PNPLA3: variants seen among roughly 807,000 people sequenced by gnomAD.
PNPLA3 encodes the protein 1-acylglycerol-3-phosphate O-acyltransferase PNPLA3.
PNPLA3 carries 42 observed loss-of-function variants against 43.1 expected under a neutral mutation model. The observed-to-expected ratio is 0.97, with a 90% CI of 0.76 to 1.26. The LOEUF (loss-of-function observed/expected upper bound fraction) is 1.26, where lower values mean the gene tolerates loss of function less well. Among genes scored for constraint, PNPLA3 ranks in the 50% most tolerant of loss-of-function variants. The pLI is 0.00. For missense variants in PNPLA3, 647 were observed against 621.4 expected (o/e 1.04, Z -0.44); for synonymous variants, 272 against 253.6 (o/e 1.07, Z -0.69).
At position 43,927,058 on chromosome 22, in the gene PNPLA3, C is replaced by T. The variant is rs2049927926; in HGVS notation, c.311C>T (p.Ala104Val). 3.1e-6 allele frequency: 5 copies of T among 1,614,130 alleles called. No individual in the cohort carries two copies. Among genetic ancestry groups the T allele is most frequent in the South Asian group, 1.1e-5 (1 of 91,084 alleles). ...LRQGLCKCLP[A>V]NVHQLISGKI... Reference sequence around the variant, plus strand: ...CAGGGTCTCTGCAAATGCCTCCCGGCCAATGTCCACCAGCTCATCTCCGGC... The same window carrying T: ...CAGGGTCTCTGCAAATGCCTCCCGGTCAATGTCCACCAGCTCATCTCCGGC... The change falls in exon 2 of 9, where the codon GCC (alanine) becomes GTC (valine). Residue 104 changes from alanine (A) to valine (V), a missense_variant. By Grantham distance (64) the Ala-to-Val change is moderately conservative (BLOSUM62 0). Coordinates refer to ENST00000216180, the MANE Select transcript of PNPLA3 (RefSeq NM_025225.3).
Position 43,946,251 on chromosome 22 carries a change from G to A in PNPLA3, c.1315G>A (p.Glu439Lys), listed in dbSNP as rs758992807. 1.2e-6 allele frequency: 2 copies of A among 1,614,212 alleles called. No individual in the cohort carries two copies. The highest frequency in any genetic ancestry group is 8.5e-7 in the Non-Finnish European group (1 of 1,180,024). Reference sequence around the variant, plus strand: ...CTGCTCCCCCAAGGGCTGTCCAGCAGAGACCAAAGCAGAGGCCACCCCGCG... The same window carrying A: ...CTGCTCCCCCAAGGGCTGTCCAGCAAAGACCAAAGCAGAGGCCACCCCGCG... The part of the protein sequence containing the change: ...TPCSPKGCPA[E>K]TKAEATPRSI... Residue 439 changes from glutamate (E) to lysine (K), a missense_variant, in exon 9 of 9, where the codon GAG (glutamate) becomes AAG (lysine). Physicochemically the swap from Glu to Lys is moderately conservative, Grantham distance 56. Transcript: ENST00000216180.
At chr22:43,934,790 A>ATGAGTAGGTTGAGC in intron 5 of PNPLA3, 124 bp downstream of exon 5, 1 of 877,360 alleles carries the variant, frequency 1.1e-6, no homozygotes, top group Non-Finnish European at 1.9e-6. Flanking sequence ...TGTGTTGCTC[A>ATGAGTAGGTTGAGC]ACCTACTCAT....
rs2050063677 is a variant in PNPLA3 at position 43,946,346 on chromosome 22, C to T, written c.1410C>T (p.Ser470=). The change falls in exon 9 of 9, where the codon TCC becomes TCT. Residue 470 remains serine (S), a synonymous_variant. Transcript: ENST00000216180. ...TACCTGCTGGTGCTGAGGGGCTCTC[C>T]ACCTTTCCCAGTTTTTCACTAGAGA... ...NKVPAGAEGL[S]TFPSFSLEKS... 1 of 1,614,192 alleles carries T rather than the reference C, an allele frequency of 6.2e-7. No homozygotes were observed. The highest frequency in any genetic ancestry group is 1.7e-5 in the Admixed American group (1 of 60,028).
intron 5 of PNPLA3, among the ~76,000 whole-genome samples, chr22:43,936,516 A>G (rs991579473): frequency 6.6e-5 from 10 of 152,112 alleles, no homozygotes; most frequent in African/African-American, 1.9e-4. Flanking sequence ...CTGGTGCCCA[A>G]TCCTCCCTTC....
At chr22:43,938,409 C>A (rs1474936641) in intron 6 of PNPLA3, among the ~76,000 whole-genome samples, 2 of 152,160 alleles carry the variant, frequency 1.3e-5, no homozygotes, top group East Asian at 3.8e-4. Context: ...TGAATTGGCT[C>A]ACAGTTGCAC....
chr22:43,927,310 T>C (rs2049930582), intron 2 of PNPLA3, 143 bp downstream of exon 2: 1 of 667,978 alleles, frequency 1.5e-6, no homozygotes, highest in East Asian at 2.8e-5. Flanking sequence ...ACCAACATGA[T>C]GAAACCCAGT....
intron 1 of PNPLA3, among the ~76,000 whole-genome samples, chr22:43,926,527 C>T (rs1255645759): frequency 1.3e-5 from 2 of 152,170 alleles, no homozygotes; most frequent in Non-Finnish European, 2.9e-5. Flanking sequence ...GAGACTCATT[C>T]CTGTGGCTGA....
At chr22:43,924,230 C>T in intron 1 of PNPLA3, 132 bp downstream of exon 1, 1 of 1,065,824 alleles carries the variant, frequency 9.4e-7, no homozygotes, top group South Asian at 2.0e-5. Context: ...GGGTGCATCC[C>T]GAGGGCCCCC....
chr22:43,944,212 G>C (rs1298952173), intron 7 of PNPLA3, among the ~76,000 whole-genome samples: 1 of 152,158 alleles, frequency 6.6e-6, no homozygotes, highest in African/African-American at 2.4e-5. Flanking sequence ...CTGCCGGGGG[G>C]ATGTCTGTGG....
At chr22:43,924,784 A>G (rs1396858023) in intron 1 of PNPLA3, among the ~76,000 whole-genome samples, 1 of 151,636 alleles carries the variant, frequency 6.6e-6, no homozygotes, top group African/African-American at 2.4e-5. Flanking sequence ...AGTAGCTGGG[A>G]CTACAGGCGC....
intron 7 of PNPLA3, among the ~76,000 whole-genome samples, chr22:43,941,617 G>A (rs1034502318): frequency 2.6e-5 from 4 of 152,112 alleles, no homozygotes; most frequent in African/African-American, 9.7e-5. Flanking sequence ...AATGATGATC[G>A]TAAAATTAGA....
At chr22:43,937,017 C>A in intron 5 of PNPLA3, 34 bp from the exon 6 acceptor site, 3 of 1,579,446 alleles carry the variant, frequency 1.9e-6, no homozygotes, top group South Asian at 1.1e-5. Context: ...CTCCCACGTT[C>A]GCCTGATGGG....
intron 2 of PNPLA3, among the ~76,000 whole-genome samples, chr22:43,927,804 T>C (rs1388020692): frequency 2.0e-5 from 3 of 152,184 alleles, no homozygotes; most frequent in African/African-American, 7.2e-5. Context: ...AGACGGGGTT[T>C]TGCCCTGTTG....
At chr22:43,939,631 A>G (rs2050018280) in intron 6 of PNPLA3, among the ~76,000 whole-genome samples, 4 of 152,220 alleles carry the variant, frequency 2.6e-5, no homozygotes, top group Non-Finnish European at 5.9e-5. Flanking sequence ...CCTGGCCAAC[A>G]TGGTGAAACT....
chr22:43,924,220 G>A (rs1348134630), intron 1 of PNPLA3, 122 bp downstream of exon 1: 4 of 1,167,426 alleles, frequency 3.4e-6, no homozygotes, highest in African/African-American at 1.6e-5. Context: ...GGACACGGCG[G>A]GGTGCATCCC....
rs149000349 is a variant in PNPLA3 at position 43,936,451 on chromosome 22, C to T, written c.758-600C>T. Among the ~76,000 whole-genome samples the T allele has an allele frequency of 5.1e-3, 773 of 152,180 alleles. 10 individuals are homozygous for T. The highest frequency in any genetic ancestry group is 0.018 in the African/African-American group (735 of 41,528). On this transcript the variant is annotated intron_variant, in intron 5 of 8. Transcript: ENST00000216180. ...GTGCCAATGCTGTAAGAGCAAGGGCCGCTCACTGGTGCTGGTGGCTGAGTC... is the reference window on the plus strand; with the variant it reads ...GTGCCAATGCTGTAAGAGCAAGGGCTGCTCACTGGTGCTGGTGGCTGAGTC...
chr22:43,926,464 C>T (rs990545846), intron 1 of PNPLA3, among the ~76,000 whole-genome samples: 2 of 152,042 alleles, frequency 1.3e-5, no homozygotes, highest in Admixed American at 1.3e-4. Context: ...CTATGTGGGG[C>T]ATGGAGGTGG....
intron 1 of PNPLA3, among the ~76,000 whole-genome samples, chr22:43,925,080 TTCCTCCTCC>T (rs138736648): frequency 3.3e-5 from 5 of 151,250 alleles, no homozygotes; most frequent in South Asian, 2.1e-4. Flanking sequence ...GGAAAGTTGT[TTCCTCCTCC>T]TCCTCCTCCT....
intron 1 of PNPLA3, among the ~76,000 whole-genome samples, chr22:43,926,059 G>T (rs1053387471): frequency 6.6e-6 from 1 of 152,212 alleles, no homozygotes. Flanking sequence ...TTAACCCCCT[G>T]TCTCACAGAG....
Sources: allele counts gnomAD v4.1 joint callset (sites outside exome capture counted in the v4.1 genomes callset), GRCh38; gene constraint gnomAD v4.1.1; transcripts MANE v1.5; gene names NCBI Gene and HGNC (gene_info 2026-07-23, HGNC 2026-07-21).